The following KIFBP variants were observed in gnomAD, a reference collection of about 807,000 sequenced individuals.
KIFBP encodes the protein kinesin family binding protein, also known as KIF-binding protein.
A neutral mutation model predicts 58.9 loss-of-function variants in KIFBP; 46 were observed. That is an observed-to-expected ratio of 0.78 (90% CI 0.62 to 1.00). The LOEUF is 1.00. Among genes scored for constraint, KIFBP ranks in the 50% least tolerant of loss-of-function variants. KIFBP has a pLI of 0.00. For synonymous variants in KIFBP, 241 were observed against 283.4 expected, an observed-to-expected ratio of 0.85 and a Z score of 1.50; for missense variants, 651 against 752.9, an observed-to-expected ratio of 0.86 and a Z score of 1.58.
At chr10:68,995,357 C>T (rs1412378476) in intron 1 of KIFBP, 1 of 151,964 alleles carries the variant, frequency 6.6e-6, no homozygotes, top group Non-Finnish European at 1.5e-5. Context: ...TTTGGTATAC[C>T]TTTTTTCCAC....
At chr10:68,992,884 G>T (rs572408343) in intron 1 of KIFBP, among the ~76,000 whole-genome samples, 2 of 152,132 alleles carry the variant, frequency 1.3e-5, no homozygotes, top group Non-Finnish European at 2.9e-5. Flanking sequence ...ATTGCTAGTG[G>T]ATTTGATTCC....
rs188307051 is a variant in KIFBP, at chr10:68,993,792, G to A, written c.426+4534G>A. Among the ~76,000 whole-genome samples, 11 of 152,166 alleles carry A rather than the reference G, an allele frequency of 7.2e-5. No homozygotes were observed. The East Asian group carries it at 1.9e-3, about 27-fold the overall frequency. On this transcript the variant is annotated intron_variant, in intron 1 of 6. Coordinates refer to ENST00000361983, the MANE Select transcript of KIFBP (RefSeq NM_015634.4). ...TAAAAGCTCCTGCAACCTCAAGGTT[G>A]TTAACCTGGTCATCTCATGGTAATT...
At chr10:69,009,994 A>G (rs1843574616) in intron 5 of KIFBP, among the ~76,000 whole-genome samples, 4 of 152,150 alleles carry the variant, frequency 2.6e-5, no homozygotes, top group African/African-American at 7.2e-5. Context: ...CCCCTAATAT[A>G]TTAACTACAT....
chr10:69,014,130 AAGAC>A (rs1218925737), intron 6 of KIFBP, among the ~76,000 whole-genome samples: 1 of 152,192 alleles, frequency 6.6e-6, no homozygotes, highest in Non-Finnish European at 1.5e-5. Flanking sequence ...TTCAAGCTTT[AAGAC>A]ATACATAAAT....
intron 5 of KIFBP, 118 bp downstream of exon 5, chr10:69,009,043 C>T: frequency 1.3e-6 from 1 of 752,738 alleles, no homozygotes; most frequent in Admixed American, 2.1e-5. Flanking sequence ...TCTAAATGCA[C>T]CAATTTTTAG....
At chr10:69,006,635 T>C (rs537895355) in intron 4 of KIFBP, among the ~76,000 whole-genome samples, 80 of 152,358 alleles carry the variant, frequency 5.3e-4, no homozygotes, top group Non-Finnish European at 1.0e-3. Context: ...TAATCCTTAA[T>C]AAGACATCTC....
intron 6 of KIFBP, among the ~76,000 whole-genome samples, chr10:69,014,882 C>T (rs1838972446): frequency 6.6e-6 from 1 of 151,974 alleles, no homozygotes. Context: ...TTAATGGCAT[C>T]CTTGTGAAAC....
intron 3 of KIFBP, 146 bp downstream of exon 3, chr10:69,005,271 T>C: frequency 1.5e-6 from 1 of 675,346 alleles, no homozygotes; most frequent in Middle Eastern, 3.6e-4. Context: ...TATTTGACCT[T>C]GTTCAAACCT....
Position 68,989,241 on chromosome 10 carries a change from C to G in KIFBP, c.409C>G (p.Leu137Val), listed in dbSNP as rs1476325494. The change falls in exon 1 of 7, where the codon CTC (leucine) becomes GTC (valine). Residue 137 changes from leucine (L) to valine (V), a missense_variant. Physicochemically the swap from Leu to Val is conservative, Grantham distance 32. Transcript: ENST00000361983. ...RYRLSHDCIS[L>V]CIQAQNNLGI... ...CCGGCTCTCGCACGACTGCATCTCTCTCTGCATCCAGGCGCAGGTGAGAGC... is the reference window on the plus strand; with the variant it reads ...CCGGCTCTCGCACGACTGCATCTCTGTCTGCATCCAGGCGCAGGTGAGAGC... The G allele has an allele frequency of 6.2e-6, 10 of 1,613,332 alleles. No individual in the cohort carries two copies. The highest frequency in any genetic ancestry group is 8.5e-6 in the Non-Finnish European group (10 of 1,179,920).
chr10:68,993,928 ATT>A (rs1484630002), intron 1 of KIFBP, among the ~76,000 whole-genome samples: 1 of 152,230 alleles, frequency 6.6e-6, no homozygotes, highest in Non-Finnish European at 1.5e-5. Flanking sequence ...GAACTATTCT[ATT>A]TGGTGCTTTG....
chr10:69,015,452 T>C (rs921355472), intron 6 of KIFBP, 89 bp from the exon 7 acceptor site: 14 of 1,302,318 alleles, frequency 1.1e-5, no homozygotes, highest in Non-Finnish European at 1.3e-5. Context: ...AGACTTCTCT[T>C]CTAAAAAACT....
rs1460342676 is a variant in KIFBP, at chr10:68,989,490, C to G, written c.426+232C>G. 8.4e-6 allele frequency: 5 copies of G among 594,066 alleles called. No homozygotes were observed. In the East Asian group the frequency reaches 1.4e-4, roughly 17 times the overall value. The allele number at this position is 594,066 out of a possible 1,614,324, so 36.8% of individuals were successfully genotyped here. A position where few individuals can be genotyped will look rare whatever the true frequency, so the allele number is the denominator to read the frequency against. On this transcript the variant is annotated intron_variant, in intron 1 of 6. Transcript: ENST00000361983. ...GGCCGTCCCCAGACTCCGTGTCCAC[C>G]CTCGTCGCCCACACCAATATCGCTT...
chr10:69,009,932 G>C (rs1383220222), intron 5 of KIFBP, among the ~76,000 whole-genome samples: 1 of 152,072 alleles, frequency 6.6e-6, no homozygotes, highest in Non-Finnish European at 1.5e-5. Flanking sequence ...AAAATGCAGA[G>C]ACTCTTAAGA....
chr10:68,991,440 C>T, intron 1 of KIFBP: 8 of 372,978 alleles, frequency 2.1e-5, no homozygotes, highest in Non-Finnish European at 3.3e-5. Context: ...TTGCAATTAT[C>T]TGTCCAGAAA....
At chr10:69,003,065 T>G (rs932122452) in intron 2 of KIFBP, among the ~76,000 whole-genome samples, 1 of 143,412 alleles carries the variant, frequency 7.0e-6, no homozygotes, top group Non-Finnish European at 1.5e-5. Context: ...AAAAAAAAAG[T>G]TACTAAGCAT....
Position 69,015,855 on chromosome 10 carries a change from C to T in KIFBP, c.1305C>T (p.Phe435=), listed in dbSNP as rs768165942. ...GTGCTCTGTTTAAGGTGCTTGCATT[C>T]TTTGAAACTGACATGGAGAGACGGT... ...DHSALFKVLA[F]FETDMERRCK... is the part of the protein sequence containing the mutation. Residue 435 remains phenylalanine, a synonymous_variant, in exon 7 of 7, where the codon TTC becomes TTT. Transcript: ENST00000361983. The T allele has an allele frequency of 9.3e-6, 15 of 1,614,060 alleles. No individual in the cohort carries two copies. In the African/African-American group the frequency reaches 1.9e-4, roughly 20 times the overall value.
intron 5 of KIFBP, among the ~76,000 whole-genome samples, chr10:69,009,444 A>G (rs1420940017): frequency 6.6e-6 from 1 of 152,200 alleles, no homozygotes; most frequent in Non-Finnish European, 1.5e-5. Context: ...TTTGTTTGCC[A>G]GTACTGGATT....
intron 6 of KIFBP, among the ~76,000 whole-genome samples, chr10:69,012,682 A>C (rs921810980): frequency 1.3e-5 from 2 of 152,084 alleles, no homozygotes; most frequent in Non-Finnish European, 2.9e-5. Flanking sequence ...ACTTGAGCCC[A>C]TGAGTTTGAG....
chr10:68,998,705 G>T (rs1362700323), intron 1 of KIFBP, among the ~76,000 whole-genome samples: 1 of 148,502 alleles, frequency 6.7e-6, no homozygotes, highest in Non-Finnish European at 1.5e-5. Flanking sequence ...TATTCCAAGG[G>T]AAGTGAGGTA....
Sources: gnomAD v4.1 joint callset for allele counts (sites outside exome capture counted in the v4.1 genomes callset) on GRCh38, gnomAD v4.1.1 for gene constraint, MANE v1.5 for transcripts, NCBI Gene and HGNC (gene_info 2026-07-23, HGNC 2026-07-21) for gene names.